The following GNB5 variants were observed in gnomAD, a reference collection of about 807,000 sequenced individuals.
The protein encoded by GNB5 is guanine nucleotide-binding protein subunit beta-5.
Under a neutral mutation model 55.3 loss-of-function variants are expected in GNB5, and 37 were observed. The ratio of observed to expected loss-of-function variants is 0.67; its 90% confidence interval spans 0.51 to 0.88. The LOEUF (loss-of-function observed/expected upper bound fraction) is 0.88, where lower values mean the gene tolerates loss of function less well. Ranked by LOEUF, GNB5 falls within the 40% of genes least tolerant of loss-of-function variation. GNB5 has a pLI of 0.00. For missense variants in GNB5, 476 were observed against 515.3 expected, an observed-to-expected ratio of 0.92 and a Z score of 0.74; for synonymous variants, 219 against 198.5, an observed-to-expected ratio of 1.10 and a Z score of -0.87.
Position 52,115,476 on chromosome 15 carries a change from T to C in GNB5, c.*7281A>G, listed in dbSNP as rs575420318. 5 of 152,358 alleles carry C rather than the reference T, an allele frequency of 3.3e-5. No homozygotes were observed. In the South Asian group the frequency reaches 1.0e-3, roughly 32 times the overall value. The allele number at this position is 152,358 out of a possible 1,614,324, so 9.4% of individuals were successfully genotyped here. A position where few individuals can be genotyped will look rare whatever the true frequency, so the allele number is the denominator to read the frequency against. ...CACAAGGATTACATGAATCGGTATATACAAAGTGCTTAGCACAGTACCTGG... is the reference window on the plus strand; with the variant it reads ...CACAAGGATTACATGAATCGGTATACACAAAGTGCTTAGCACAGTACCTGG... On this transcript the variant is annotated 3_prime_UTR_variant, in exon 13 of 13. Coordinates refer to ENST00000261837, the MANE Select transcript of GNB5 (RefSeq NM_016194.4).
intron 5 of GNB5, 197 bp downstream of exon 5, chr15:52,149,687 G>C (rs550210151): frequency 1.5e-6 from 1 of 658,318 alleles, no homozygotes; most frequent in African/African-American, 1.8e-5. Flanking sequence ...TGGGGCGAGA[G>C]GGGAATAAAT....
intron 3 of GNB5, among the ~76,000 whole-genome samples, chr15:52,158,742 A>G (rs2141220000): frequency 6.6e-6 from 1 of 151,990 alleles, no homozygotes; most frequent in South Asian, 2.1e-4. Context: ...ACCACGCACA[A>G]ACCCTTACGC....
At chr15:52,183,755 G>A (rs1407413392) in intron 2 of GNB5, among the ~76,000 whole-genome samples, 1 of 152,136 alleles carries the variant, frequency 6.6e-6, no homozygotes, top group African/African-American at 2.4e-5. Flanking sequence ...CACCAAGTGG[G>A]GGCTCTGCTC....
At chr15:52,156,436 T>C (rs1205930561) in intron 3 of GNB5, among the ~76,000 whole-genome samples, 1 of 152,180 alleles carries the variant, frequency 6.6e-6, no homozygotes, top group Non-Finnish European at 1.5e-5. Flanking sequence ...ACTGTAAAAA[T>C]ACTTGCTAAA....
At position 52,179,797 on chromosome 15, in the gene GNB5, T is replaced by C. The variant is rs2034733032; in HGVS notation, c.209A>G (p.Glu70Gly). Residue 70 changes from glutamate (E) to glycine (G), a missense_variant, in exon 3 of 13, where the codon GAG becomes GGG. Transcript: ENST00000261837. ...EAESLKGKLE[E>G]ERAKLHDVEL... is the part of the protein sequence containing the mutation. ...CACATCGTGCAGCTTGGCTCGCTCC[T>C]CCTCCAGCTTGCCCTTGAGGCTCTC... is the stretch of plus-strand genomic sequence containing the variant. 1.3e-6 allele frequency: 2 copies of C among 1,531,506 alleles called. No homozygotes were observed. The highest frequency in any genetic ancestry group is 1.4e-5 in the African/African-American group (1 of 69,430). The allele number at this position is 1,531,506 out of a possible 1,614,324, so 94.9% of individuals were successfully genotyped here.
At chr15:52,144,733 A>C (rs969778508) in intron 6 of GNB5, among the ~76,000 whole-genome samples, 1 of 152,110 alleles carries the variant, frequency 6.6e-6, no homozygotes, top group African/African-American at 2.4e-5. Context: ...ATAAAGGTAA[A>C]CCACACAGGC....
At chr15:52,141,105 G>A in intron 7 of GNB5, 35 bp downstream of exon 7, 1 of 1,607,434 alleles carries the variant, frequency 6.2e-7, no homozygotes, top group Non-Finnish European at 8.5e-7. Context: ...GTGCTCCTTG[G>A]CAGGTCAACC....
Position 52,127,728 on chromosome 15 carries a change from G to T in GNB5, c.912+468C>A, listed in dbSNP as rs540987767. Among the ~76,000 whole-genome samples the T allele has an allele frequency of 4.0e-5, 6 of 151,790 alleles. No individual in the cohort carries two copies. In the East Asian group the frequency reaches 1.2e-3, roughly 29 times the overall value. On this transcript the variant is annotated intron_variant, in intron 10 of 12. Transcript: ENST00000261837. ...TCAGTATCAAAAGCCTTAAAACTGG[G>T]TCTATTTATGGCTCAGCAAGTTATG...
chr15:52,117,102 A>ATATATATATATATATATTTTTTTTTTTT lies in GNB5; in HGVS notation c.*5654_*5655insAAAAAAAAAAAATATATATATATATATA. On this transcript the variant is annotated 3_prime_UTR_variant, in exon 13 of 13. Transcript: ENST00000261837. ...CCACGCCCAGCTAATATATATATAT[A>ATATATATATATATATATTTTTTTTTTTT]TTTTTTTTTAGTACAGACAGGGTTT... is the stretch of plus-strand genomic sequence containing the variant. 9.2e-5 allele frequency: 8 copies of ATATATATATATATATATTTTTTTTTTTT among 87,096 alleles called. No homozygotes were observed. The highest frequency in any genetic ancestry group is 4.9e-4 in the African/African-American group (8 of 16,442). The allele number at this position is 87,096 out of a possible 1,614,324, so 5.4% of individuals were successfully genotyped here.
intron 3 of GNB5, among the ~76,000 whole-genome samples, chr15:52,178,440 T>C (rs1198305558): frequency 6.6e-6 from 1 of 152,086 alleles, no homozygotes; most frequent in African/African-American, 2.4e-5. Context: ...ACAGAAGTGA[T>C]GTTTGGAGCT....
chr15:52,136,163 CACACACA>C (rs2033713501), intron 7 of GNB5, among the ~76,000 whole-genome samples: 10 of 124,736 alleles, frequency 8.0e-5, no homozygotes, highest in Non-Finnish European at 1.0e-4. Context: ...CACACACACA[CACACACA>C]CACCCTACCT....
chr15:52,137,285 C>A, intron 7 of GNB5: 1 of 1,139,640 alleles, frequency 8.8e-7, no homozygotes, highest in Non-Finnish European at 1.1e-6. Flanking sequence ...ATGAGAAGTG[C>A]TGGGATCCAG....
chr15:52,146,574 A>G (rs1209397233), intron 6 of GNB5, among the ~76,000 whole-genome samples: 1 of 150,036 alleles, frequency 6.7e-6, no homozygotes, highest in Non-Finnish European at 1.5e-5. Flanking sequence ...TTTCTGCTTT[A>G]TTTTATTTTT....
At chr15:52,132,116 G>C (rs987318463) in intron 9 of GNB5, among the ~76,000 whole-genome samples, 2 of 152,064 alleles carry the variant, frequency 1.3e-5, no homozygotes, top group African/African-American at 4.8e-5. Context: ...CCTTGCATCT[G>C]CCAGTGTCAT....
chr15:52,154,171 C>A, intron 3 of GNB5, 95 bp from the exon 4 acceptor site: 2 of 1,195,886 alleles, frequency 1.7e-6, no homozygotes, highest in Admixed American at 2.6e-5. Context: ...CAGAGGGAGG[C>A]GGCCCCATGG....
intron 8 of GNB5, among the ~76,000 whole-genome samples, chr15:52,135,199 G>A (rs1247715875): frequency 1.3e-5 from 2 of 152,072 alleles, no homozygotes; most frequent in Non-Finnish European, 2.9e-5. Flanking sequence ...CGTTGCCTCA[G>A]CTCAGTAGCC....
chr15:52,179,986 C>A, intron 2 of GNB5, 107 bp from the exon 3 acceptor site: 2 of 1,292,424 alleles, frequency 1.5e-6, no homozygotes, highest in South Asian at 4.1e-5. Context: ...CGCCCCGCGG[C>A]CCCGCCCTCC....
chr15:52,148,898 C>T (rs2034033625), intron 5 of GNB5, among the ~76,000 whole-genome samples: 1 of 152,224 alleles, frequency 6.6e-6, no homozygotes, highest in South Asian at 2.1e-4. Context: ...CCACGGGCCA[C>T]AAGTGGCACC....
chr15:52,129,028 TCACTACAA>T (rs1435556256), intron 9 of GNB5, among the ~76,000 whole-genome samples: 1 of 149,704 alleles, frequency 6.7e-6, no homozygotes, highest in African/African-American at 2.5e-5. Context: ...TGAACTTGGC[TCACTACAA>T]CCTCCACCTC....
Sources: gnomAD v4.1 joint callset for allele counts (sites outside exome capture counted in the v4.1 genomes callset) on GRCh38, gnomAD v4.1.1 for gene constraint, MANE v1.5 for transcripts, NCBI Gene and HGNC (gene_info 2026-07-23, HGNC 2026-07-21) for gene names.